POMK: variants seen among roughly 807,000 people sequenced by gnomAD.
The protein encoded by POMK is protein O-mannose kinase.
Under a neutral mutation model 23.0 loss-of-function variants are expected in POMK, and 19 were observed. That is an observed-to-expected ratio of 0.83 (90% CI 0.58 to 1.21). The LOEUF (loss-of-function observed/expected upper bound fraction) is 1.21. POMK is among the 50% of genes most tolerant of loss of function. The pLI, the probability that POMK is intolerant of heterozygous loss-of-function variation, is 0.00. For synonymous variants in POMK, 173 were observed against 171.6 expected, an observed-to-expected ratio of 1.01 and a Z score of -0.06; for missense variants, 410 against 431.3, an observed-to-expected ratio of 0.95 and a Z score of 0.44.
Position 43,103,414 on chromosome 8 carries a change from G to T in POMK, c.-21-114G>T, listed in dbSNP as rs549682694. The T allele has an allele frequency of 5.3e-6, 5 of 949,522 alleles. No homozygotes were observed. In the Admixed American group the frequency reaches 8.6e-5, roughly 16 times the overall value. The allele number at this position is 949,522 out of a possible 1,614,324, so 58.8% of individuals were successfully genotyped here. ...TTCGATACCTGCTTTAATCCCCACG[G>T]TAACGCTGCAGCTTACAGGACCCTT... On this transcript the variant is annotated intron_variant, in intron 3 of 4. Transcript: ENST00000331373.
chr8:43,104,947 A>T (rs1811517518), intron 4 of POMK, among the ~76,000 whole-genome samples: 1 of 152,178 alleles, frequency 6.6e-6, no homozygotes, highest in Non-Finnish European at 1.5e-5. Context: ...GAAAAAAAAA[A>T]TATGAAAATG....
At chr8:43,105,064 G>A (rs1209373376) in intron 4 of POMK, among the ~76,000 whole-genome samples, 1 of 152,052 alleles carries the variant, frequency 6.6e-6, no homozygotes, top group Non-Finnish European at 1.5e-5. Flanking sequence ...TTTTTAATTG[G>A]CATGTAATAA....
At chr8:43,105,286 T>A (rs954677872) in intron 4 of POMK, among the ~76,000 whole-genome samples, 1 of 152,216 alleles carries the variant, frequency 6.6e-6, no homozygotes, top group Non-Finnish European at 1.5e-5. Context: ...TTGCTTCTCT[T>A]ATCTAGCTGT....
At chr8:43,112,410 T>C (rs1405797193) in intron 4 of POMK, among the ~76,000 whole-genome samples, 1 of 152,194 alleles carries the variant, frequency 6.6e-6, no homozygotes, top group African/African-American at 2.4e-5. Context: ...AATGTGGGAC[T>C]ATGTGAAAAG....
intron 4 of POMK, among the ~76,000 whole-genome samples, chr8:43,121,221 C>CT (rs1474712368): frequency 6.6e-6 from 1 of 152,200 alleles, no homozygotes; most frequent in East Asian, 1.9e-4. Flanking sequence ...TGGCACACTG[C>CT]TTGCAGAATG....
At chr8:43,103,969 A>T in intron 4 of POMK, 139 bp downstream of exon 4, 1 of 853,326 alleles carries the variant, frequency 1.2e-6, no homozygotes, top group Non-Finnish European at 1.9e-6. Flanking sequence ...GCATATGTGC[A>T]CCACATTTGC....
chr8:43,123,033 T>A lies in POMK; in HGVS notation c.*156T>A. 1 of 646,818 alleles carries A rather than the reference T, an allele frequency of 1.5e-6. No individual in the cohort carries two copies. The highest frequency in any genetic ancestry group is 2.6e-6 in the Non-Finnish European group (1 of 379,188). 40.1% of individuals were successfully genotyped at this position (646,818 alleles called of 1,614,324 possible). A position where few individuals can be genotyped will look rare whatever the true frequency, so the allele number is the denominator to read the frequency against. Reference sequence around the variant, plus strand: ...TTGTCCACATCCACATGTACGTTTGTATGTAGTCCACATTGGTTGTTAGAT... The same window carrying A: ...TTGTCCACATCCACATGTACGTTTGAATGTAGTCCACATTGGTTGTTAGAT... On this transcript the variant is annotated 3_prime_UTR_variant, in exon 5 of 5. Coordinates refer to ENST00000331373, the MANE Select transcript of POMK (RefSeq NM_032237.5).
chr8:43,104,670 C>T (rs776334484), intron 4 of POMK, among the ~76,000 whole-genome samples: 32 of 152,106 alleles, frequency 2.1e-4, no homozygotes, highest in Non-Finnish European at 4.0e-4. Flanking sequence ...AATGGTCAGG[C>T]GCAGTGTCTT....
chr8:43,114,016 C>T (rs913259128), intron 4 of POMK, among the ~76,000 whole-genome samples: 16 of 152,222 alleles, frequency 1.1e-4, no homozygotes, highest in Non-Finnish European at 2.2e-4. Context: ...GTCAGTCTGC[C>T]CCTACTGGGG....
intron 4 of POMK, among the ~76,000 whole-genome samples, chr8:43,106,504 T>G (rs1216786750): frequency 6.6e-6 from 1 of 151,136 alleles, no homozygotes; most frequent in Admixed American, 6.6e-5. Flanking sequence ...ATTGGTTTAC[T>G]TTTGCTTTTT....
chr8:43,098,734 G>C (rs1279694094), intron 2 of POMK, among the ~76,000 whole-genome samples: 1 of 152,140 alleles, frequency 6.6e-6, no homozygotes, highest in Non-Finnish European at 1.5e-5. Flanking sequence ...AGTGATGTTT[G>C]AGGATTTCAG....
At chr8:43,115,619 C>G (rs1017696750) in intron 4 of POMK, among the ~76,000 whole-genome samples, 7 of 152,164 alleles carry the variant, frequency 4.6e-5, no homozygotes, top group African/African-American at 1.4e-4. Context: ...CACCCTGACC[C>G]TGGACTTAAA....
intron 2 of POMK, among the ~76,000 whole-genome samples, chr8:43,101,628 C>T (rs1373080737): frequency 6.6e-6 from 1 of 152,100 alleles, no homozygotes; most frequent in East Asian, 1.9e-4. Context: ...TCCAGAAACT[C>T]CTTATCTGAA....
In POMK at chr8:43,123,264, A is replaced by G. The variant is rs1811962355; in HGVS notation, c.*387A>G. 6.1e-6 allele frequency: 1 copy of G among 164,366 alleles called. No homozygotes were observed. Among genetic ancestry groups the G allele is most frequent in the Non-Finnish European group, 1.3e-5 (1 of 75,512 alleles). 10.2% of individuals were successfully genotyped at this position (164,366 alleles called of 1,614,324 possible). On this transcript the variant is annotated 3_prime_UTR_variant, in exon 5 of 5. Transcript: ENST00000331373. ...GAGGTGGGGTTTCACCATGTTGGCCAGGCTGGTCCCGAACTCCTGACTTCC... is the reference window on the plus strand; with the variant it reads ...GAGGTGGGGTTTCACCATGTTGGCCGGGCTGGTCCCGAACTCCTGACTTCC...
At position 43,115,086 on chromosome 8, in the gene POMK, T is replaced by C. The variant is rs529409477; in HGVS notation, c.283-7021T>C. On this transcript the variant is annotated intron_variant, in intron 4 of 4. Coordinates refer to ENST00000331373, the MANE Select transcript of POMK (RefSeq NM_032237.5). ...TTGTAGCTCTCATTTTGTGTAACCT[T>C]TGGGAGGATCCCTTGTGATGTCTTA... Among the ~76,000 whole-genome samples, 17 of 152,368 alleles carry C rather than the reference T, an allele frequency of 1.1e-4. No individual in the cohort carries two copies. The South Asian group carries it at 3.3e-3, about 30-fold the overall frequency.
In POMK at chr8:43,122,519, C is replaced by T; in HGVS notation, c.695C>T (p.Pro232Leu). 6.2e-7 allele frequency: 1 copy of T among 1,614,060 alleles called. No individual in the cohort carries two copies. The highest frequency in any genetic ancestry group is 8.5e-7 in the Non-Finnish European group (1 of 1,180,014). ...SILANDLDAL[P>L]LVNHSSGMLV... ...TTGGCAAATGACTTGGACGCCTTAC[C>T]CCTGGTGAACCACAGCTCCGGGATG... Residue 232 changes from proline (P) to leucine (L), a missense_variant, in exon 5 of 5, where the codon CCC becomes CTC. By Grantham distance (98) the Pro-to-Leu change is moderately conservative. Transcript: ENST00000331373.
rs759091832 is a variant in POMK, at chr8:43,122,598, A to C, written c.774A>C (p.Gln258His). 1.9e-6 allele frequency: 3 copies of C among 1,614,232 alleles called. No individual in the cohort carries two copies. Among genetic ancestry groups the C allele is most frequent in the Middle Eastern group, 1.6e-4 (1 of 6,062 alleles). ...ATGGGGATTTCGTGGCTCCAGAGCA[A>C]CTGTGGCCCTATGGAGAGGACGTGC... ...ELHGDFVAPE[Q>H]LWPYGEDVPF... Residue 258 changes from glutamine (Q) to histidine (H), a missense_variant, in exon 5 of 5, where the codon CAA (glutamine) becomes CAC (histidine). Physicochemically the swap from Gln to His is conservative, Grantham distance 24. Transcript: ENST00000331373.
intron 4 of POMK, among the ~76,000 whole-genome samples, chr8:43,121,237 G>A (rs1157000304): frequency 3.3e-5 from 5 of 152,176 alleles, no homozygotes; most frequent in African/African-American, 1.2e-4. Context: ...GAATGAGCCT[G>A]GGGCAGGAAT....
intron 4 of POMK, 38 bp downstream of exon 4, chr8:43,103,868 T>A: frequency 6.2e-7 from 1 of 1,600,956 alleles, no homozygotes; most frequent in African/African-American, 1.3e-5. Flanking sequence ...GTCATCCTGT[T>A]ATTTCGCTTA....
Sources: gnomAD v4.1 joint callset for allele counts (sites outside exome capture counted in the v4.1 genomes callset) on GRCh38, gnomAD v4.1.1 for gene constraint, MANE v1.5 for transcripts, NCBI Gene and HGNC (gene_info 2026-07-23, HGNC 2026-07-21) for gene names.